Variants in RASGEF1A observed in about 807,000 individuals in gnomAD.
The protein encoded by RASGEF1A is RasGEF domain family member 1A, also known as ras-GEF domain-containing family member 1A.
In RASGEF1A, 18 loss-of-function variants were observed where a neutral mutation model predicts 56.4. The ratio of observed to expected loss-of-function variants is 0.32; its 90% CI spans 0.22 to 0.47. The LOEUF (loss-of-function observed/expected upper bound fraction) is 0.47. RASGEF1A is among the 20% of genes least tolerant of loss of function. RASGEF1A has a pLI of 1.00. For synonymous variants in RASGEF1A, 245 were observed against 242.6 expected, an observed-to-expected ratio of 1.01 and a Z score of -0.09; for missense variants, 422 against 627.1, an observed-to-expected ratio of 0.67 and a Z score of 3.49.
chr10:43,253,058 C>A (rs879772937), intron 1 of RASGEF1A, among the ~76,000 whole-genome samples: 1 of 152,214 alleles, frequency 6.6e-6, no homozygotes, highest in Admixed American at 6.5e-5. Flanking sequence ...ATGCCCCAGA[C>A]AAAGGGGCTG....
chr10:43,244,269 GC>G (rs978172810), intron 1 of RASGEF1A, among the ~76,000 whole-genome samples: 1 of 138,702 alleles, frequency 7.2e-6, no homozygotes, highest in African/African-American at 2.6e-5. Flanking sequence ...AGGGACCTCT[GC>G]CTAGGAAAAC....
At chr10:43,204,244 C>T (rs1258443490) in intron 2 of RASGEF1A, among the ~76,000 whole-genome samples, 1 of 152,136 alleles carries the variant, frequency 6.6e-6, no homozygotes, top group Non-Finnish European at 1.5e-5. Flanking sequence ...TGCCCAGAAG[C>T]CTCTGCCTCC....
intron 1 of RASGEF1A, among the ~76,000 whole-genome samples, chr10:43,239,675 A>G (rs183534350): frequency 1.3e-5 from 2 of 152,302 alleles, no homozygotes; most frequent in Non-Finnish European, 2.9e-5. Context: ...CAGCCCCTGG[A>G]GGGAAAACAG....
chr10:43,208,058 G>A (rs778261217), intron 1 of RASGEF1A: 56 of 985,300 alleles, frequency 5.7e-5, no homozygotes, highest in Non-Finnish European at 6.4e-5. Flanking sequence ...ATGAAGTCAC[G>A]AAGGCGGGCT....
At chr10:43,233,708 C>T (rs1272644362) in intron 1 of RASGEF1A, among the ~76,000 whole-genome samples, 7 of 152,180 alleles carry the variant, frequency 4.6e-5, no homozygotes, top group South Asian at 2.1e-4. Context: ...GAAAACAGCC[C>T]GATCATGCCT....
chr10:43,236,863 G>T (rs1434021830), intron 1 of RASGEF1A, among the ~76,000 whole-genome samples: 1 of 152,174 alleles, frequency 6.6e-6, no homozygotes, highest in African/African-American at 2.4e-5. Flanking sequence ...GAGATCACCT[G>T]GTGTGTAGGG....
chr10:43,209,018 T>G, intron 1 of RASGEF1A: 1 of 985,542 alleles, frequency 1.0e-6, no homozygotes, highest in Non-Finnish European at 1.2e-6. Flanking sequence ...TGAGGTCGCT[T>G]GTTCTTGCAC....
At chr10:43,204,859 G>A (rs1459356402) in intron 2 of RASGEF1A, among the ~76,000 whole-genome samples, 1 of 152,238 alleles carries the variant, frequency 6.6e-6, no homozygotes, top group African/African-American at 2.4e-5. Flanking sequence ...AGACGGCCCT[G>A]CCCTGGACTA....
At chr10:43,226,270 C>T (rs1840279155) in intron 1 of RASGEF1A, among the ~76,000 whole-genome samples, 2 of 152,178 alleles carry the variant, frequency 1.3e-5, no homozygotes, top group African/African-American at 2.4e-5. Flanking sequence ...AGAGAAACCC[C>T]GTCTCTACTA....
intron 1 of RASGEF1A, among the ~76,000 whole-genome samples, chr10:43,223,393 A>G (rs78393515): frequency 0.067 from 10,157 of 152,242 alleles, 917 homozygotes; most frequent in African/African-American, 0.2. Context: ...CCTAAATCAC[A>G]CCTGTGTTAA....
At chr10:43,251,671 G>A (rs1840629077) in intron 1 of RASGEF1A, among the ~76,000 whole-genome samples, 1 of 152,192 alleles carries the variant, frequency 6.6e-6, no homozygotes, top group South Asian at 2.1e-4. Flanking sequence ...AGCAGACTGC[G>A]AAACGTGCTT....
At chr10:43,266,271 C>T (rs1418749312) in intron 1 of RASGEF1A, among the ~76,000 whole-genome samples, 1 of 152,178 alleles carries the variant, frequency 6.6e-6, no homozygotes, top group Non-Finnish European at 1.5e-5. Flanking sequence ...GAGCGTGGTC[C>T]TTCAAATGAC....
At position 43,197,072 on chromosome 10, in the gene RASGEF1A, G is replaced by A. The variant is rs1839810513; in HGVS notation, c.1252C>T (p.His418Tyr). ...KKFWEISRQI[H>Y]EFMTWTQVEC... ...ACCTGTGTCCATGTCATGAACTCAT[G>A]GATCTGTCTGGAGATCTCCCAGAAT... The change falls in exon 11 of 13, where the codon CAT (histidine) becomes TAT (tyrosine). Residue 418 changes from histidine to tyrosine, a missense_variant. His to Tyr is a moderately conservative substitution (Grantham distance 83). Transcript: ENST00000395810. 1 of 1,613,946 alleles carries A rather than the reference G, an allele frequency of 6.2e-7. No individual in the cohort carries two copies. The highest frequency in any genetic ancestry group is 1.3e-5 in the African/African-American group (1 of 74,932).
At chr10:43,209,800 G>T (rs1184107678) in intron 1 of RASGEF1A, among the ~76,000 whole-genome samples, 3 of 152,140 alleles carry the variant, frequency 2.0e-5, no homozygotes, top group African/African-American at 7.2e-5. Flanking sequence ...GACAGAGCAG[G>T]CCACCCTGAC....
In RASGEF1A at chr10:43,238,329, G is replaced by A. The variant is rs6593510; in HGVS notation, c.-7+28516C>T. Among the ~76,000 whole-genome samples, 894 of 152,274 alleles carry A rather than the reference G, an allele frequency of 5.9e-3. 10 individuals carry two copies. Among genetic ancestry groups the A allele is most frequent in the African/African-American group, 0.02 (850 of 41,540 alleles). The stretch of plus-strand genomic sequence containing the variant: ...CCTGTCTTCAGGAGGGTTAGCCATC[G>A]CAGAGTCAGACCTGCCTTCAGCAGG... On this transcript the variant is annotated intron_variant, in intron 1 of 12. Transcript: ENST00000395810.
intron 1 of RASGEF1A, among the ~76,000 whole-genome samples, chr10:43,236,829 G>C (rs969794689): frequency 1.3e-5 from 2 of 152,178 alleles, no homozygotes; most frequent in Admixed American, 6.5e-5. Context: ...ACTCAGAGGA[G>C]ACCCTGCCTG....
chr10:43,200,313 A>G, intron 5 of RASGEF1A, 57 bp from the exon 6 acceptor site: 1 of 1,446,834 alleles, frequency 6.9e-7, no homozygotes, highest in Non-Finnish European at 9.6e-7. Flanking sequence ...AAGGGACAGC[A>G]CTGCATAGGC....
At chr10:43,199,617 A>G in intron 7 of RASGEF1A, 59 bp downstream of exon 7, 1 of 1,334,024 alleles carries the variant, frequency 7.5e-7, no homozygotes, top group South Asian at 1.2e-5. Context: ...GGGCAAGATC[A>G]GGGTCTCACT....
At chr10:43,250,397 AG>A (rs1324147517) in intron 1 of RASGEF1A, among the ~76,000 whole-genome samples, 4 of 152,234 alleles carry the variant, frequency 2.6e-5, no homozygotes, top group African/African-American at 9.6e-5. Context: ...CATAGGACAC[AG>A]TCGTCCCAGC....
Sources: allele counts gnomAD v4.1 joint callset (sites outside exome capture counted in the v4.1 genomes callset), GRCh38; gene constraint gnomAD v4.1.1; transcripts MANE v1.5; gene names NCBI Gene and HGNC (gene_info 2026-07-23, HGNC 2026-07-21).